FOXP4: variants seen among roughly 807,000 people sequenced by gnomAD.
The protein encoded by FOXP4 is forkhead box protein P4.
Under a neutral mutation model 82.6 loss-of-function variants are expected in FOXP4, and 25 were observed. That is an observed-to-expected ratio of 0.30 (90% CI 0.22 to 0.42). FOXP4 has a LOEUF of 0.42. Ranked by LOEUF, FOXP4 falls within the 10% of genes least tolerant of loss-of-function variation. The probability of loss-of-function intolerance (pLI) is 1.00; values close to 1 mark genes in which losing one functional copy is unlikely to be tolerated. For synonymous variants in FOXP4, 415 were observed against 388.2 expected, an observed-to-expected ratio of 1.07 and a Z score of -0.81; for missense variants, 785 against 900.9, an observed-to-expected ratio of 0.87 and a Z score of 1.65.
At chr6:41,562,672 A>T (rs1015176302) in intron 1 of FOXP4, among the ~76,000 whole-genome samples, 2 of 152,134 alleles carry the variant, frequency 1.3e-5, no homozygotes, top group Non-Finnish European at 2.9e-5. Context: ...TCTCCTTTGC[A>T]TGCATACACC....
At chr6:41,594,319 A>G (rs1342818856) in intron 13 of FOXP4, among the ~76,000 whole-genome samples, 1 of 152,180 alleles carries the variant, frequency 6.6e-6, no homozygotes, top group Admixed American at 6.5e-5. Flanking sequence ...CTCAAAATAT[A>G]AGCTGCCTGT....
intron 1 of FOXP4, among the ~76,000 whole-genome samples, chr6:41,552,853 G>A (rs921749947): frequency 1.3e-5 from 2 of 152,088 alleles, no homozygotes; most frequent in African/African-American, 2.4e-5. Flanking sequence ...GTACCCACAC[G>A]GGTACATGAT....
intron 2 of FOXP4, among the ~76,000 whole-genome samples, chr6:41,577,743 T>C (rs1485437046): frequency 6.6e-6 from 1 of 151,848 alleles, no homozygotes; most frequent in East Asian, 1.9e-4. Context: ...CCCCATTGAG[T>C]CCTAACAAAA....
At position 41,601,725 on chromosome 6, in the gene FOXP4, C is replaced by G. The variant is rs995088300; in HGVS notation, c.*2789C>G. The stretch of plus-strand genomic sequence containing the variant: ...TCCCGACCTCAGGTGATCCGCCAGC[C>G]TCAGCCTCCCAAAGTGCTGGGATTA... On this transcript the variant is annotated 3_prime_UTR_variant, in exon 17 of 17. Transcript: ENST00000307972. 6.6e-6 allele frequency: 1 copy of G among 152,384 alleles called. No individual in the cohort carries two copies. The highest frequency in any genetic ancestry group is 1.5e-5 in the Non-Finnish European group (1 of 68,176). The allele number at this position is 152,384 out of a possible 1,614,324, so 9.4% of individuals were successfully genotyped here. A position where few individuals can be genotyped will look rare whatever the true frequency, so the allele number is the denominator to read the frequency against.
chr6:41,552,990 C>T (rs1052197770), intron 1 of FOXP4, among the ~76,000 whole-genome samples: 2 of 152,144 alleles, frequency 1.3e-5, no homozygotes, highest in African/African-American at 4.8e-5. Flanking sequence ...ACCTGCAGCC[C>T]CACATCCTCG....
intron 1 of FOXP4, among the ~76,000 whole-genome samples, chr6:41,554,914 A>G (rs1242854018): frequency 1.3e-5 from 2 of 151,892 alleles, no homozygotes; most frequent in African/African-American, 4.8e-5. Flanking sequence ...GAGAGGACCT[A>G]TAAGGACACC....
chr6:41,560,885 C>T (rs1764537345), intron 1 of FOXP4, among the ~76,000 whole-genome samples: 1 of 152,214 alleles, frequency 6.6e-6, no homozygotes, highest in Admixed American at 6.5e-5. Flanking sequence ...AAGGTTTCTC[C>T]GCATGTGGGG....
rs1215993884 is a variant in FOXP4, at chr6:41,585,485, C to A, written c.478C>A (p.Gln160Lys). 1.9e-6 allele frequency: 3 copies of A among 1,613,926 alleles called. No homozygotes were observed. The Admixed American group carries it at 5.0e-5, about 27-fold the overall frequency. ...GCAGCTCCACCTGCAGCTCCTCACC[C>A]AGCAGCAGGCTGGGAAACCGCAGCC... ...QEQLHLQLLT[Q>K]QQAGKPQPKE... The change falls in exon 5 of 17, where the codon CAG (glutamine) becomes AAG (lysine). Residue 160 changes from glutamine to lysine, a missense_variant. Coordinates refer to ENST00000307972, the MANE Select transcript of FOXP4 (RefSeq NM_001012426.2).
At position 41,590,309 on chromosome 6, in the gene FOXP4, G is replaced by A. The variant is rs756112355; in HGVS notation, c.1396G>A (p.Val466Ile). Residue 466 changes from valine to isoleucine, a missense_variant, in exon 12 of 17, where the codon GTC (valine) becomes ATC (isoleucine). Physicochemically the swap from Val to Ile is conservative, Grantham distance 29. Coordinates refer to ENST00000307972, the MANE Select transcript of FOXP4 (RefSeq NM_001012426.2). ...TCATGAGTTCTACAAGAACGCCGAC[G>A]TCCGGCCCCCCTTCACCTACGCCTC... ...QNHEFYKNAD[V>I]RPPFTYASLI... 16 of 1,613,858 alleles carry A rather than the reference G, an allele frequency of 9.9e-6. No homozygotes were observed. The highest frequency in any genetic ancestry group is 2.2e-5 in the East Asian group (1 of 44,896).
At chr6:41,570,216 A>T (rs1765121518) in intron 2 of FOXP4, 4 of 443,504 alleles carry the variant, frequency 9.0e-6, no homozygotes, top group Non-Finnish European at 1.9e-5. Flanking sequence ...GTCTGATCCC[A>T]CACCTTCTGC....
At chr6:41,552,043 T>G (rs1764027444) in intron 1 of FOXP4, among the ~76,000 whole-genome samples, 1 of 152,120 alleles carries the variant, frequency 6.6e-6, no homozygotes, top group African/African-American at 2.4e-5. Flanking sequence ...CAGAGAGCCC[T>G]TAGGAGGGCC....
chr6:41,561,263 G>A (rs1764564279), intron 1 of FOXP4, among the ~76,000 whole-genome samples: 2 of 152,232 alleles, frequency 1.3e-5, no homozygotes, highest in South Asian at 4.1e-4. Flanking sequence ...CCTAAGTGCA[G>A]GACCTGAGCC....
At chr6:41,581,105 GTTC>G (rs1350849900) in intron 3 of FOXP4, among the ~76,000 whole-genome samples, 22 of 152,336 alleles carry the variant, frequency 1.4e-4, no homozygotes, top group African/African-American at 4.8e-4. Context: ...ATTTTCAGAA[GTTC>G]TTCTTTATAT....
At chr6:41,590,486 T>A in intron 12 of FOXP4, 139 bp downstream of exon 12, 1 of 875,164 alleles carries the variant, frequency 1.1e-6, no homozygotes, top group Non-Finnish European at 1.7e-6. Context: ...CGGTCTTCCC[T>A]CTCTGCTGTG....
chr6:41,588,134 G>A (rs972391629), intron 8 of FOXP4, among the ~76,000 whole-genome samples: 3 of 152,202 alleles, frequency 2.0e-5, no homozygotes, highest in Non-Finnish European at 4.4e-5. Flanking sequence ...GCAGGGTGCG[G>A]GTAGGAGAAG....
intron 1 of FOXP4, among the ~76,000 whole-genome samples, chr6:41,551,267 C>T (rs532017799): frequency 6.6e-6 from 1 of 152,344 alleles, no homozygotes; most frequent in East Asian, 1.9e-4. Flanking sequence ...GGTGTTGGAC[C>T]GTGGAGTCAC....
chr6:41,589,747 C>T lies in FOXP4; in HGVS notation c.1066-24C>T, dbSNP rs750191214. On this transcript the variant is annotated intron_variant, in intron 9 of 16. Coordinates refer to ENST00000307972, the MANE Select transcript of FOXP4 (RefSeq NM_001012426.2). ...CTCCAGGGTTCAGCCTCCCGCTCAC[C>T]TCCTGCTTTGCCACCCTCCACAGCT... 4 of 1,607,970 alleles carry T rather than the reference C, an allele frequency of 2.5e-6. No individual in the cohort carries two copies. The Admixed American group carries it at 6.7e-5, about 27-fold the overall frequency.
At position 41,578,007 on chromosome 6, in the gene FOXP4, T is replaced by G; in HGVS notation, c.226T>G (p.Phe76Val). The stretch of plus-strand genomic sequence containing the variant: ...GCAGGCTCTCCAAGTGGCCCGGCAG[T>G]TCCTGCTGCAGCAGGCCTCAGGCCT... ...QQQALQVARQ[F>V]LLQQASGLSS... is the part of the protein sequence containing the mutation. The change falls in exon 3 of 17, where the codon TTC becomes GTC. Residue 76 changes from phenylalanine to valine, a missense_variant. Physicochemically the swap from Phe to Val is conservative, Grantham distance 50. Transcript: ENST00000307972. 6.2e-7 allele frequency: 1 copy of G among 1,612,924 alleles called. No homozygotes were observed. The highest frequency in any genetic ancestry group is 8.5e-7 in the Non-Finnish European group (1 of 1,179,926).
At chr6:41,595,501 C>T (rs1244150920) in intron 14 of FOXP4, among the ~76,000 whole-genome samples, 1 of 152,278 alleles carries the variant, frequency 6.6e-6, no homozygotes, top group East Asian at 1.9e-4. Context: ...GTTCCAGGAC[C>T]AGGTCTCTGC....
Sources: allele counts gnomAD v4.1 joint callset (sites outside exome capture counted in the v4.1 genomes callset), GRCh38; gene constraint gnomAD v4.1.1; transcripts MANE v1.5; gene names NCBI Gene and HGNC (gene_info 2026-07-23, HGNC 2026-07-21).